REDIC1: variants seen among roughly 807,000 people sequenced by gnomAD.
The protein encoded by REDIC1 is regulator of DNA class I crossover intermediates 1, also known as HEI10 Interacting Protein 1.
the REDIC1 span, among the ~76,000 whole-genome samples, chr12:39,689,433 A>G: frequency 6.6e-6 from 1 of 152,214 alleles, no homozygotes; most frequent in Non-Finnish European, 1.5e-5. Context: ...ACTGAGCTCA[A>G]GTGAGGATCT....
the REDIC1 span, among the ~76,000 whole-genome samples, chr12:39,898,955 GTC>G: frequency 9.2e-5 from 14 of 152,100 alleles, no homozygotes; most frequent in African/African-American, 3.1e-4. Flanking sequence ...TTTTCGTTGT[GTC>G]TCTGCCTGGC....
the REDIC1 span, among the ~76,000 whole-genome samples, chr12:39,840,898 T>G: frequency 6.6e-6 from 1 of 152,126 alleles, no homozygotes; most frequent in Non-Finnish European, 1.5e-5. Flanking sequence ...TGAATGTCAC[T>G]TATATTGATA....
the REDIC1 span, chr12:39,683,481 CTATG>C: frequency 6.3e-7 from 1 of 1,586,030 alleles, no homozygotes; most frequent in South Asian, 1.1e-5. Flanking sequence ...CCAGCAAACT[CTATG>C]TAAGTTTTTA....
the REDIC1 span, among the ~76,000 whole-genome samples, chr12:39,722,696 G>T: frequency 6.6e-6 from 1 of 152,038 alleles, no homozygotes; most frequent in South Asian, 2.1e-4. Context: ...TCATAATGTA[G>T]CAGTTAAGCT....
chr12:39,775,820 C>A, the REDIC1 span, among the ~76,000 whole-genome samples: 1 of 152,142 alleles, frequency 6.6e-6, no homozygotes, highest in South Asian at 2.1e-4. Flanking sequence ...ATCCCTTATT[C>A]AAAATACTTG....
At chr12:39,713,933 G>C in the REDIC1 span, among the ~76,000 whole-genome samples, 1 of 147,498 alleles carries the variant, frequency 6.8e-6, no homozygotes, top group Admixed American at 6.8e-5. Context: ...ATTAAATTAT[G>C]TGCATATACC....
the REDIC1 span, among the ~76,000 whole-genome samples, chr12:39,711,351 GTATA>G: frequency 2.7e-5 from 4 of 145,560 alleles, no homozygotes; most frequent in African/African-American, 1.0e-4. Flanking sequence ...ACATCTATAT[GTATA>G]TATACATATA....
chr12:39,896,254 ATG>A, the REDIC1 span, among the ~76,000 whole-genome samples: 208 of 99,744 alleles, frequency 2.1e-3, no homozygotes, highest in African/African-American at 7.0e-3. Flanking sequence ...GTATACATGT[ATG>A]TATATGTGTG....
chr12:39,868,248 C>T, the REDIC1 span, among the ~76,000 whole-genome samples: 1 of 152,116 alleles, frequency 6.6e-6, no homozygotes, highest in African/African-American at 2.4e-5. Flanking sequence ...TAACCAAATA[C>T]AGTATTAGAT....
At chr12:39,684,524 T>G in the REDIC1 span, among the ~76,000 whole-genome samples, 1 of 152,230 alleles carries the variant, frequency 6.6e-6, no homozygotes, top group African/African-American at 2.4e-5. Flanking sequence ...TTGGCAAATT[T>G]GTATTTTTGT....
the REDIC1 span, among the ~76,000 whole-genome samples, chr12:39,748,965 C>G: frequency 6.6e-6 from 1 of 151,978 alleles, no homozygotes; most frequent in Non-Finnish European, 1.5e-5. Flanking sequence ...CAAGAGAAAG[C>G]AGGAAAGATC....
At chr12:39,637,396 A>T in the REDIC1 span, among the ~76,000 whole-genome samples, 1 of 152,092 alleles carries the variant, frequency 6.6e-6, no homozygotes, top group Non-Finnish European at 1.5e-5. Flanking sequence ...TTTAAAAAAG[A>T]TGAACCTCAT....
At chr12:39,752,579 C>G in the REDIC1 span, among the ~76,000 whole-genome samples, 1 of 152,030 alleles carries the variant, frequency 6.6e-6, no homozygotes, top group African/African-American at 2.4e-5. Context: ...GAAAGAGTGA[C>G]TTGGTAATGT....
chr12:39,826,853 A>ATTTT, the REDIC1 span, among the ~76,000 whole-genome samples: 1 of 19,962 alleles, frequency 5.0e-5, no homozygotes, highest in African/African-American at 2.0e-4. Context: ...AGTCTCTTTC[A>ATTTT]ATTTTTTTTT....
At chr12:39,662,867 G>T in the REDIC1 span, among the ~76,000 whole-genome samples, 1 of 152,078 alleles carries the variant, frequency 6.6e-6, no homozygotes, top group South Asian at 2.1e-4. Context: ...TGCTTTTCCT[G>T]AATTAATTGG....
chr12:39,867,472 A>C, the REDIC1 span, among the ~76,000 whole-genome samples: 1 of 152,106 alleles, frequency 6.6e-6, no homozygotes, highest in Admixed American at 6.6e-5. Flanking sequence ...ACAAAAACAA[A>C]AACAAAAAAA....
the REDIC1 span, among the ~76,000 whole-genome samples, chr12:39,671,818 A>G: frequency 3.3e-5 from 5 of 151,970 alleles, no homozygotes; most frequent in Non-Finnish European, 5.9e-5. Flanking sequence ...ATGGATGGGG[A>G]GATCTCCAGG....
At chr12:39,714,294 T>TGCATATATGTATATACGTATATACAG in the REDIC1 span, among the ~76,000 whole-genome samples, 5 of 148,578 alleles carry the variant, frequency 3.4e-5, 1 homozygote, top group Non-Finnish European at 7.5e-5. Context: ...CGTATATGCA[T>TGCATATATGTATATACGTATATACAG]GCATATATGT....
At chr12:39,853,036 T>C in the REDIC1 span, among the ~76,000 whole-genome samples, 1 of 152,220 alleles carries the variant, frequency 6.6e-6, no homozygotes, top group Non-Finnish European at 1.5e-5. Context: ...TTTCAGTAAA[T>C]CTGTGCTTTT....
Sources: allele counts gnomAD v4.1 joint callset (sites outside exome capture counted in the v4.1 genomes callset), GRCh38; gene constraint gnomAD v4.1.1; transcripts MANE v1.5; gene names NCBI Gene and HGNC (gene_info 2026-07-23, HGNC 2026-07-21).